The following APBB2 variants were observed in gnomAD, a reference collection of about 807,000 sequenced individuals.
APBB2 encodes Fe65-like 1.
Under a neutral mutation model 82.5 loss-of-function variants are expected in APBB2, and 38 were observed. That is an observed-to-expected ratio of 0.46 (90% CI 0.36 to 0.60). APBB2 has a LOEUF of 0.60. Ranked by LOEUF, APBB2 falls within the 20% of genes least tolerant of loss-of-function variation. The pLI, the probability that APBB2 is intolerant of heterozygous loss-of-function variation, is 0.00. For missense variants in APBB2, 772 were observed against 972.3 expected, an observed-to-expected ratio of 0.79 and a Z score of 2.74; for synonymous variants, 341 against 368.2, an observed-to-expected ratio of 0.93 and a Z score of 0.85.
chr4:40,980,724 G>C (rs1458253811), intron 6 of APBB2, among the ~76,000 whole-genome samples: 1 of 152,160 alleles, frequency 6.6e-6, no homozygotes, highest in Admixed American at 6.5e-5. Flanking sequence ...CTGCACATGG[G>C]CATAAAATGA....
chr4:40,953,273 G>A (rs1027986049), intron 6 of APBB2, among the ~76,000 whole-genome samples: 9 of 133,826 alleles, frequency 6.7e-5, no homozygotes, highest in Non-Finnish European at 1.1e-4. Context: ...TCCAGCCTGG[G>A]CAACAAGAGC....
intron 6 of APBB2, among the ~76,000 whole-genome samples, chr4:40,966,092 A>AG (rs771021895): frequency 4.6e-5 from 7 of 152,238 alleles, no homozygotes; most frequent in Non-Finnish European, 1.0e-4. Context: ...TTACCAATAT[A>AG]GATGCACAAA....
intron 1 of APBB2, among the ~76,000 whole-genome samples, chr4:41,150,367 G>C (rs919029548): frequency 6.6e-6 from 1 of 152,054 alleles, no homozygotes; most frequent in Non-Finnish European, 1.5e-5. Context: ...GCATGCTTCC[G>C]GTCTCAGGGA....
intron 1 of APBB2, among the ~76,000 whole-genome samples, chr4:41,163,916 G>T (rs1765822814): frequency 6.6e-6 from 1 of 152,094 alleles, no homozygotes; most frequent in African/African-American, 2.4e-5. Flanking sequence ...CAACCTACAT[G>T]AAATATAAAT....
chr4:40,904,749 G>C (rs35520177), intron 10 of APBB2, among the ~76,000 whole-genome samples: 2 of 149,658 alleles, frequency 1.3e-5, no homozygotes, highest in African/African-American at 2.5e-5. Flanking sequence ...GGTTCTGCCA[G>C]AGAGGTGTCT....
intron 3 of APBB2, among the ~76,000 whole-genome samples, chr4:41,095,825 T>C (rs1443003555): frequency 6.6e-6 from 1 of 152,200 alleles, no homozygotes; most frequent in Non-Finnish European, 1.5e-5. Flanking sequence ...GTGATCTTTA[T>C]AAAACTCCCA....
rs188590577 is a variant in APBB2, at chr4:40,976,968, G to C, written c.836-31895C>G. 2.1e-3 allele frequency among the ~76,000 whole-genome samples: 324 copies of C among 152,284 alleles called. 2 individuals carry two copies. Among genetic ancestry groups the C allele is most frequent in the African/African-American group, 7.3e-3 (304 of 41,550 alleles). ...GGAGGCTGAGGTGGGAGGATCACTT[G>C]AGCCCAGGAGGTCGAGGCTACAGTG... On this transcript the variant is annotated intron_variant, in intron 6 of 17. Coordinates refer to ENST00000508593, the MANE Select transcript of APBB2 (RefSeq NM_004307.2).
At chr4:40,967,071 A>G (rs904280935) in intron 6 of APBB2, among the ~76,000 whole-genome samples, 4 of 152,186 alleles carry the variant, frequency 2.6e-5, no homozygotes, top group Non-Finnish European at 4.4e-5. Flanking sequence ...AGCCAGACTC[A>G]GGCAGATGAT....
In APBB2 at chr4:40,930,440, TGTGTGTGTGC is replaced by T. The variant is rs1448304200; in HGVS notation, c.1254+4006_1254+4015del. ...GGGGAAGTGTGTGTGTGTGTGTGTG[TGTGTGTGTGC>T]GCGCGCGCGCGCGCGCGTGCGCGTG... On this transcript the variant is annotated intron_variant, in intron 10 of 17. Transcript: ENST00000508593. Among the ~76,000 whole-genome samples the T allele has an allele frequency of 2.9e-4, 13 of 45,304 alleles. 1 individual carries two copies. Among genetic ancestry groups the T allele is most frequent in the South Asian group, 1.4e-3 (1 of 704 alleles). The allele number at this position is 45,304 out of a possible 152,430, so 29.7% of individuals were successfully genotyped here.
At chr4:41,048,152 G>T (rs1724122702) in intron 4 of APBB2, among the ~76,000 whole-genome samples, 1 of 152,184 alleles carries the variant, frequency 6.6e-6, no homozygotes, top group South Asian at 2.1e-4. Context: ...CACCAGTTGA[G>T]CATCCCAAAT....
At chr4:41,046,769 G>A (rs1029768760) in intron 4 of APBB2, among the ~76,000 whole-genome samples, 7 of 152,174 alleles carry the variant, frequency 4.6e-5, no homozygotes, top group Non-Finnish European at 8.8e-5. Flanking sequence ...AAGGGAAGCC[G>A]TCCCAAGGGC....
intron 12 of APBB2, among the ~76,000 whole-genome samples, chr4:40,863,101 C>T (rs575774202): frequency 6.6e-6 from 1 of 152,312 alleles, no homozygotes; most frequent in Admixed American, 6.5e-5. Context: ...GCAGCTCTTT[C>T]TGTGTCCCGC....
At chr4:41,142,045 A>C (rs1374768399) in intron 2 of APBB2, among the ~76,000 whole-genome samples, 1 of 152,242 alleles carries the variant, frequency 6.6e-6, no homozygotes, top group Non-Finnish European at 1.5e-5. Context: ...AAAATGAAAC[A>C]AGGGCAATTG....
In APBB2 at chr4:40,883,732, G is replaced by A. The variant is rs1347290294; in HGVS notation, c.1529+6632C>T. Among the ~76,000 whole-genome samples the A allele has an allele frequency of 3.4e-5, 5 of 148,266 alleles. No individual in the cohort carries two copies. The East Asian group carries it at 9.8e-4, about 29-fold the overall frequency. On this transcript the variant is annotated intron_variant, in intron 12 of 17. Transcript: ENST00000508593. ...TGCCAAAAAAAAAAAAAAAAAATGG[G>A]CCCTTTCCACAACGACTTTCTATAT... is the stretch of plus-strand genomic sequence containing the variant.
chr4:41,165,858 G>A (rs1034540542), intron 1 of APBB2, among the ~76,000 whole-genome samples: 7 of 149,366 alleles, frequency 4.7e-5, no homozygotes, highest in Non-Finnish European at 7.4e-5. Flanking sequence ...ATTCATGCCA[G>A]CATGTCAGGC....
intron 12 of APBB2, among the ~76,000 whole-genome samples, chr4:40,841,620 C>T (rs1329137137): frequency 6.6e-6 from 1 of 151,888 alleles, no homozygotes; most frequent in African/African-American, 2.4e-5. Flanking sequence ...TAGCCTAGTG[C>T]CAACCCTTAC....
intron 1 of APBB2, among the ~76,000 whole-genome samples, chr4:41,170,201 TA>T (rs1469046161): frequency 6.6e-6 from 1 of 151,882 alleles, no homozygotes; most frequent in Non-Finnish European, 1.5e-5. Context: ...GTCTGAGATT[TA>T]GAAACTATTT....
In APBB2 at chr4:40,812,155, T is replaced by G. The variant is rs1008254921; in HGVS notation, c.*3937A>C. 7.2e-5 allele frequency: 11 copies of G among 152,206 alleles called. No individual in the cohort carries two copies. Among genetic ancestry groups the G allele is most frequent in the Admixed American group, 2.6e-4 (4 of 15,284 alleles). The allele number at this position is 152,206 out of a possible 1,614,324, so 9.4% of individuals were successfully genotyped here. A position where few individuals can be genotyped will look rare whatever the true frequency, so the allele number is the denominator to read the frequency against. ...CTAGTTCTTACCAGGCAGAAATATG[T>G]AGTAACTAATCAAAGCAAAATGCTC... On this transcript the variant is annotated 3_prime_UTR_variant, in exon 18 of 18. Transcript: ENST00000508593.
At chr4:40,862,985 G>T (rs1763141911) in intron 12 of APBB2, among the ~76,000 whole-genome samples, 1 of 152,074 alleles carries the variant, frequency 6.6e-6, no homozygotes, top group African/African-American at 2.4e-5. Context: ...GGTGTTCAGG[G>T]GGCTGTACAT....
Sources: allele counts gnomAD v4.1 joint callset (sites outside exome capture counted in the v4.1 genomes callset), GRCh38; gene constraint gnomAD v4.1.1; transcripts MANE v1.5; gene names NCBI Gene and HGNC (gene_info 2026-07-23, HGNC 2026-07-21).